ATP6V1C2: variants seen among roughly 807,000 people sequenced by gnomAD.
ATP6V1C2 encodes the protein V-type proton ATPase subunit C 2.
In ATP6V1C2, 45 loss-of-function variants were observed where a neutral mutation model predicts 56.8. That is an observed-to-expected ratio of 0.79 (90% confidence interval 0.62 to 1.02). ATP6V1C2 has a LOEUF of 1.02. ATP6V1C2 is among the 50% of genes least tolerant of loss of function. ATP6V1C2 has a pLI of 0.00. For synonymous variants in ATP6V1C2, 220 were observed against 201.3 expected, an observed-to-expected ratio of 1.09 and a Z score of -0.79; for missense variants, 463 against 519.7, an observed-to-expected ratio of 0.89 and a Z score of 1.06.
chr2:10,784,270 T>C lies in ATP6V1C2; in HGVS notation c.*1007T>C, dbSNP rs752215305. On this transcript the variant is annotated 3_prime_UTR_variant, in exon 14 of 14. Coordinates refer to ENST00000272238, the MANE Select transcript of ATP6V1C2 (RefSeq NM_001039362.2). ...TCTGTTGTGGCTCTCACAACTCATC[T>C]TTCCCTAAGTCATCAAGCTCCACAT... 1.9e-6 allele frequency: 3 copies of C among 1,612,822 alleles called. No individual in the cohort carries two copies. The highest frequency in any genetic ancestry group is 2.5e-6 in the Non-Finnish European group (3 of 1,179,640).
At chr2:10,733,798 C>T (rs1183021055) in intron 3 of ATP6V1C2, among the ~76,000 whole-genome samples, 2 of 152,112 alleles carry the variant, frequency 1.3e-5, no homozygotes, top group Admixed American at 6.6e-5. Flanking sequence ...GCTTGGTGAC[C>T]GTTGCTTGCC....
chr2:10,742,335 C>T (rs1043722169), intron 3 of ATP6V1C2, among the ~76,000 whole-genome samples: 6 of 152,198 alleles, frequency 3.9e-5, no homozygotes, highest in Non-Finnish European at 8.8e-5. Context: ...TCCTCAGAAC[C>T]TGTATCCACT....
intron 1 of ATP6V1C2, among the ~76,000 whole-genome samples, chr2:10,722,228 G>A (rs540450700): frequency 1.4e-4 from 22 of 152,250 alleles, no homozygotes; most frequent in African/African-American, 5.3e-4. Flanking sequence ...GCCGGGCAAG[G>A]GACCCAGCAC....
intron 3 of ATP6V1C2, among the ~76,000 whole-genome samples, chr2:10,729,848 C>T (rs1167930660): frequency 6.6e-6 from 1 of 152,182 alleles, no homozygotes; most frequent in Non-Finnish European, 1.5e-5. Context: ...GATTGAGACC[C>T]TGGCTGTGGG....
intron 4 of ATP6V1C2, among the ~76,000 whole-genome samples, chr2:10,758,588 C>T (rs1217040419): frequency 6.6e-6 from 1 of 152,088 alleles, no homozygotes; most frequent in Non-Finnish European, 1.5e-5. Flanking sequence ...CATAGCAAGA[C>T]CTTGTCTCTT....
Position 10,774,978 on chromosome 2 carries a change from G to A in ATP6V1C2, c.732G>A (p.Lys244=). Reference sequence around the variant, plus strand: ...AAACCCATGATTTGCTTGTTTTAAGGTTCACTGTTCGTGAATTTTACTATG... The same window carrying A: ...AAACCCATGATTTGCTTGTTTTAAGATTCACTGTTCGTGAATTTTACTATG... ...EDFKTKAKEN[K]FTVREFYYDE... Residue 244 remains lysine, a splice_region_variant and synonymous_variant, in exon 10 of 14, where the codon AAG becomes AAA. Coordinates refer to ENST00000272238, the MANE Select transcript of ATP6V1C2 (RefSeq NM_001039362.2). The A allele has an allele frequency of 6.2e-7, 1 of 1,613,796 alleles. No homozygotes were observed. The highest frequency in any genetic ancestry group is 1.3e-5 in the African/African-American group (1 of 75,044).
At chr2:10,781,952 A>G (rs1378360363) in intron 12 of ATP6V1C2, among the ~76,000 whole-genome samples, 3 of 152,226 alleles carry the variant, frequency 2.0e-5, no homozygotes, top group Non-Finnish European at 4.4e-5. Context: ...GTTCAGTCCA[A>G]CTACCTGCAT....
intron 3 of ATP6V1C2, among the ~76,000 whole-genome samples, chr2:10,731,445 C>T (rs566101489): frequency 6.6e-6 from 1 of 152,346 alleles, no homozygotes; most frequent in African/African-American, 2.4e-5. Context: ...TTAGGCTTCT[C>T]TGCACCACAG....
At chr2:10,777,842 A>C (rs1665096735) in intron 11 of ATP6V1C2, 120 bp downstream of exon 11, 2 of 1,271,404 alleles carry the variant, frequency 1.6e-6, no homozygotes, top group African/African-American at 1.5e-5. Flanking sequence ...TTGAGGTCTT[A>C]AATTTGAGGA....
At chr2:10,727,370 C>G (rs1479672635) in intron 3 of ATP6V1C2, among the ~76,000 whole-genome samples, 1 of 147,138 alleles carries the variant, frequency 6.8e-6, no homozygotes, top group Non-Finnish European at 1.5e-5. Flanking sequence ...CATGCCCAGC[C>G]AAAAGACCTT....
chr2:10,734,669 G>A (rs1405249847), intron 3 of ATP6V1C2, among the ~76,000 whole-genome samples: 1 of 152,060 alleles, frequency 6.6e-6, no homozygotes, highest in Non-Finnish European at 1.5e-5. Context: ...CCATCAACTT[G>A]CCATTAATGG....
At chr2:10,722,112 G>C (rs1451702251) in intron 1 of ATP6V1C2, among the ~76,000 whole-genome samples, 3 of 152,146 alleles carry the variant, frequency 2.0e-5, no homozygotes, top group Non-Finnish European at 4.4e-5. Flanking sequence ...CGGAAAGGGG[G>C]AACCTGGCCG....
intron 12 of ATP6V1C2, among the ~76,000 whole-genome samples, chr2:10,779,241 A>AT (rs1665192966): frequency 6.6e-6 from 1 of 151,294 alleles, no homozygotes; most frequent in Admixed American, 6.6e-5. Flanking sequence ...AGTAGCTGGG[A>AT]TGACAGGTGC....
Position 10,783,279 on chromosome 2 carries a change from CCT to C in ATP6V1C2, c.*19_*20del, listed in dbSNP as rs774782115. The C allele has an allele frequency of 3.1e-5, 48 of 1,558,734 alleles. No individual in the cohort carries two copies. The highest frequency in any genetic ancestry group is 4.2e-5 in the Non-Finnish European group (48 of 1,129,932). ...TCTTGACTAGAAAGGCCAGCTGGCA[CCT>C]CTGTCTCATGTTCGTGCAGATTATT... On this transcript the variant is annotated 3_prime_UTR_variant, in exon 14 of 14. Transcript: ENST00000272238.
intron 13 of ATP6V1C2, among the ~76,000 whole-genome samples, 190 bp from the exon 14 acceptor site, chr2:10,782,980 ACTAT>A (rs1402790752): frequency 6.6e-6 from 1 of 152,218 alleles, no homozygotes; most frequent in South Asian, 2.1e-4. Context: ...ACAAAGCAAA[ACTAT>A]CTGTCAGCCT....
chr2:10,778,440 C>T (rs979521553), intron 11 of ATP6V1C2, 132 bp from the exon 12 acceptor site: 3 of 794,772 alleles, frequency 3.8e-6, no homozygotes, highest in Non-Finnish European at 6.2e-6. Context: ...CTGGTCTGAC[C>T]GACTCTCTGC....
chr2:10,731,436 T>C (rs1276662253), intron 3 of ATP6V1C2, among the ~76,000 whole-genome samples: 1 of 152,240 alleles, frequency 6.6e-6, no homozygotes, highest in Non-Finnish European at 1.5e-5. Flanking sequence ...ACTCCCTTCT[T>C]AGGCTTCTCT....
intron 3 of ATP6V1C2, among the ~76,000 whole-genome samples, chr2:10,746,299 C>A (rs2148445489): frequency 6.6e-6 from 1 of 152,128 alleles, no homozygotes; most frequent in South Asian, 2.1e-4. Flanking sequence ...TGAGCCCAGC[C>A]TTGGCTATTG....
chr2:10,771,996 C>T, intron 7 of ATP6V1C2, 59 bp downstream of exon 7: 1 of 1,467,142 alleles, frequency 6.8e-7, no homozygotes, highest in Non-Finnish European at 9.5e-7. Flanking sequence ...GAAGGTGGAC[C>T]CGTTGGTGAC....
Sources: gnomAD v4.1 joint callset for allele counts (sites outside exome capture counted in the v4.1 genomes callset) on GRCh38, gnomAD v4.1.1 for gene constraint, MANE v1.5 for transcripts, NCBI Gene and HGNC (gene_info 2026-07-23, HGNC 2026-07-21) for gene names.